The following C1orf87 variants were observed in gnomAD, a reference collection of about 807,000 sequenced individuals.
C1orf87 encodes chromosome 1 open reading frame 87, also known as uncharacterized protein C1orf87.
C1orf87 carries 58 observed loss-of-function variants against 60.5 expected under a neutral mutation model. That is an observed-to-expected ratio of 0.96 (90% confidence interval 0.78 to 1.19). The LOEUF (loss-of-function observed/expected upper bound fraction) is 1.19. Ranked by LOEUF, C1orf87 falls within the 50% of genes most tolerant of loss-of-function variation. The pLI is 0.00. For synonymous variants in C1orf87, 236 were observed against 227.4 expected (o/e 1.04, Z -0.34); for missense variants, 673 against 638.6 (o/e 1.05, Z -0.58).
chr1:60,020,472 G>C (rs577937378), intron 8 of C1orf87, among the ~76,000 whole-genome samples: 1 of 152,326 alleles, frequency 6.6e-6, no homozygotes, highest in East Asian at 1.9e-4. Flanking sequence ...CAAACCCTTA[G>C]GAGCCCAACC....
At chr1:60,066,447 T>C (rs1177616578) in intron 2 of C1orf87, among the ~76,000 whole-genome samples, 1 of 152,164 alleles carries the variant, frequency 6.6e-6, no homozygotes, top group African/African-American at 2.4e-5. Flanking sequence ...TCTTTGCTCA[T>C]CTATAAGAAG....
chr1:59,999,060 T>G (rs1364303917), intron 10 of C1orf87, among the ~76,000 whole-genome samples: 1 of 152,146 alleles, frequency 6.6e-6, no homozygotes, highest in Non-Finnish European at 1.5e-5. Flanking sequence ...ATGTCTGAAT[T>G]TTTCCAATTT....
At chr1:60,008,120 T>C (rs1227569698) in intron 9 of C1orf87, among the ~76,000 whole-genome samples, 2 of 152,004 alleles carry the variant, frequency 1.3e-5, no homozygotes, top group East Asian at 3.9e-4. Flanking sequence ...AGCAGTGAGC[T>C]ATCACAACAA....
Position 59,990,614 on chromosome 1 carries a change from T to C in C1orf87, c.*59A>G. Reference sequence around the variant, plus strand: ...ACTACACTTAGGCTGGGGAGAAACATGTGTCTGGGTAAAAAGGGAGATAAG... The same window carrying C: ...ACTACACTTAGGCTGGGGAGAAACACGTGTCTGGGTAAAAAGGGAGATAAG... On this transcript the variant is annotated 3_prime_UTR_variant, in exon 12 of 12. Coordinates refer to ENST00000371201, the MANE Select transcript of C1orf87 (RefSeq NM_152377.3). 2 of 1,580,142 alleles carry C rather than the reference T, an allele frequency of 1.3e-6. No individual in the cohort carries two copies. Among genetic ancestry groups the C allele is most frequent in the Non-Finnish European group, 1.7e-6 (2 of 1,155,868 alleles).
chr1:60,036,868 C>T (rs1455398231), intron 6 of C1orf87, among the ~76,000 whole-genome samples: 1 of 152,096 alleles, frequency 6.6e-6, no homozygotes, highest in Non-Finnish European at 1.5e-5. Flanking sequence ...AATCTCAAAC[C>T]TTTTTTTGCT....
At chr1:60,048,935 A>G (rs1465482007) in intron 3 of C1orf87, among the ~76,000 whole-genome samples, 3 of 152,104 alleles carry the variant, frequency 2.0e-5, no homozygotes, top group African/African-American at 7.2e-5. Flanking sequence ...TTACAATTTC[A>G]TAGTACTCCA....
chr1:60,072,711 A>G (rs1645592857), intron 1 of C1orf87, 41 bp from the exon 2 acceptor site: 7 of 1,074,528 alleles, frequency 6.5e-6, no homozygotes, highest in African/African-American at 3.1e-5. Flanking sequence ...TTGATTTTCC[A>G]TTAGGGAACT....
chr1:60,010,024 T>A (rs1645072154), intron 9 of C1orf87, among the ~76,000 whole-genome samples: 1 of 151,998 alleles, frequency 6.6e-6, no homozygotes, highest in East Asian at 1.9e-4. Context: ...TCTTTTTTTT[T>A]TTTGTGGAGA....
chr1:59,996,375 TC>T (rs34040720), intron 11 of C1orf87, among the ~76,000 whole-genome samples: 1 of 152,116 alleles, frequency 6.6e-6, no homozygotes, highest in Non-Finnish European at 1.5e-5. Context: ...CTTTCCACTT[TC>T]CCTTATTTCA....
At chr1:60,064,589 TA>T (rs1278180438) in intron 2 of C1orf87, among the ~76,000 whole-genome samples, 3 of 115,044 alleles carry the variant, frequency 2.6e-5, no homozygotes, top group South Asian at 2.4e-4. Flanking sequence ...ATATCATATA[TA>T]ATATATATAT....
chr1:60,001,029 G>T, intron 10 of C1orf87, 48 bp downstream of exon 10: 2 of 1,480,428 alleles, frequency 1.4e-6, no homozygotes, highest in Non-Finnish European at 1.9e-6. Flanking sequence ...AAAAGGCCAA[G>T]TATCCATGAA....
At position 60,032,302 on chromosome 1, in the gene C1orf87, G is replaced by A. The variant is rs574997891; in HGVS notation, c.1029+1174C>T. On this transcript the variant is annotated intron_variant, in intron 7 of 11. Coordinates refer to ENST00000371201, the MANE Select transcript of C1orf87 (RefSeq NM_152377.3). The stretch of plus-strand genomic sequence containing the variant: ...ATATTGAACTCAATGGAATCATCCA[G>A]ATATCTTCTACCTAATGAAGTGCCA... Among the ~76,000 whole-genome samples the A allele has an allele frequency of 1.8e-4, 27 of 152,164 alleles. 1 individual carries two copies. The South Asian group carries it at 5.6e-3, about 32-fold the overall frequency.
chr1:59,996,253 T>C (rs1255506779), intron 11 of C1orf87, among the ~76,000 whole-genome samples: 1 of 152,188 alleles, frequency 6.6e-6, no homozygotes, highest in Non-Finnish European at 1.5e-5. Context: ...ACACCAACTC[T>C]TCATGAACCA....
At chr1:60,014,538 T>TA (rs202180027) in intron 8 of C1orf87, among the ~76,000 whole-genome samples, 7 of 151,718 alleles carry the variant, frequency 4.6e-5, no homozygotes, top group South Asian at 2.1e-4. Context: ...CCTTATATAT[T>TA]AAAAAAAACA....
At chr1:60,021,123 C>T (rs1293405299) in intron 8 of C1orf87, among the ~76,000 whole-genome samples, 7 of 152,146 alleles carry the variant, frequency 4.6e-5, no homozygotes, top group African/African-American at 1.7e-4. Context: ...TTGTAAGTTT[C>T]CTGAGGCCTC....
At position 60,072,353 on chromosome 1, in the gene C1orf87, T is replaced by G. The variant is rs1041145810; in HGVS notation, c.107+184A>C. ...TAAGGAGTATGGGGAATTATAAAGA[T>G]GAAAAATATCAGGAAAACAGTGCAC... On this transcript the variant is annotated intron_variant, in intron 2 of 11. Coordinates refer to ENST00000371201, the MANE Select transcript of C1orf87 (RefSeq NM_152377.3). 2.0e-5 allele frequency among the ~76,000 whole-genome samples: 3 copies of G among 152,318 alleles called. 1 individual carries two copies. The South Asian group carries it at 6.2e-4, about 32-fold the overall frequency.
intron 3 of C1orf87, 59 bp from the exon 4 acceptor site, chr1:60,041,190 G>A: frequency 7.1e-7 from 1 of 1,402,282 alleles, no homozygotes; most frequent in Admixed American, 2.4e-5. Flanking sequence ...GGAAGAGAAA[G>A]AGGAAAGAAT....
At chr1:60,065,976 T>C (rs760291762) in intron 2 of C1orf87, among the ~76,000 whole-genome samples, 7 of 152,192 alleles carry the variant, frequency 4.6e-5, no homozygotes, top group Non-Finnish European at 1.0e-4. Flanking sequence ...ATTTACACTA[T>C]ACTGTAGTCT....
At chr1:60,031,121 A>G (rs1378848818) in intron 7 of C1orf87, among the ~76,000 whole-genome samples, 1 of 151,812 alleles carries the variant, frequency 6.6e-6, no homozygotes, top group African/African-American at 2.4e-5. Flanking sequence ...TGTCAAAACA[A>G]CCCCCACAAA....
Sources: allele counts gnomAD v4.1 joint callset (sites outside exome capture counted in the v4.1 genomes callset), GRCh38; gene constraint gnomAD v4.1.1; transcripts MANE v1.5; gene names NCBI Gene and HGNC (gene_info 2026-07-23, HGNC 2026-07-21).